Variants in PSIP1 observed in about 807,000 individuals in gnomAD.
PSIP1 encodes the protein PC4 and SRSF1 interacting protein 1.
In PSIP1, 19 loss-of-function variants were observed where a neutral mutation model predicts 74.7. The ratio of observed to expected loss-of-function variants is 0.25; its 90% CI spans 0.18 to 0.37. The LOEUF (loss-of-function observed/expected upper bound fraction) is 0.37, where lower values mean the gene tolerates loss of function less well. PSIP1 is among the 10% of genes least tolerant of loss of function. The pLI, the probability that PSIP1 is intolerant of heterozygous loss-of-function variation, is 1.00. For synonymous variants in PSIP1, 222 were observed against 195.3 expected (o/e 1.14, Z -1.14); for missense variants, 601 against 614.3 (o/e 0.98, Z 0.23).
intron 1 of PSIP1, among the ~76,000 whole-genome samples, chr9:15,510,544 G>A (rs1191751615): frequency 2.0e-5 from 3 of 152,094 alleles, no homozygotes; most frequent in Non-Finnish European, 2.9e-5. Flanking sequence ...TGCCCGGCCA[G>A]AAATCGCCCG....
intron 3 of PSIP1, among the ~76,000 whole-genome samples, chr9:15,494,825 T>C (rs1025457113): frequency 1.3e-5 from 2 of 152,188 alleles, no homozygotes; most frequent in African/African-American, 4.8e-5. Flanking sequence ...CATTAATTCC[T>C]GTCCATAATC....
chr9:15,509,840 A>G (rs571714750), intron 2 of PSIP1, among the ~76,000 whole-genome samples: 1 of 152,374 alleles, frequency 6.6e-6, no homozygotes, highest in South Asian at 2.1e-4. Flanking sequence ...CTACAATGGA[A>G]TATTAACTAG....
intron 8 of PSIP1, 59 bp downstream of exon 8, chr9:15,478,418 G>A: frequency 3.2e-6 from 4 of 1,236,048 alleles, no homozygotes; most frequent in Admixed American, 1.7e-5. Flanking sequence ...AGAGATATGT[G>A]CTTGTTTAAA....
At chr9:15,476,167 G>C (rs1367838037) in intron 8 of PSIP1, among the ~76,000 whole-genome samples, 6 of 152,124 alleles carry the variant, frequency 3.9e-5, no homozygotes, top group Non-Finnish European at 7.4e-5. Flanking sequence ...CTCACACTCA[G>C]CCTACGCACA....
Position 15,478,660 on chromosome 9 carries a change from C to T in PSIP1, c.554-108G>A, listed in dbSNP as rs1176354242. The T allele has an allele frequency of 6.9e-6, 5 of 720,988 alleles. No homozygotes were observed. In the African/African-American group the frequency reaches 9.1e-5, roughly 13 times the overall value. The allele number at this position is 720,988 out of a possible 1,614,324, so 44.7% of individuals were successfully genotyped here. ...ACATACTATTTAAGAATATTAGTAG[C>T]TTATTACAGATACAATTATTGCTAA... On this transcript the variant is annotated intron_variant, in intron 7 of 15. Coordinates refer to ENST00000380733, the MANE Select transcript of PSIP1 (RefSeq NM_033222.5).
At chr9:15,469,382 C>T (rs2035747919) in intron 11 of PSIP1, 46 bp from the exon 12 acceptor site, 5 of 1,270,634 alleles carry the variant, frequency 3.9e-6, no homozygotes, top group Middle Eastern at 1.9e-4. Context: ...TTTTCCAAAA[C>T]CAGTATTTCT....
chr9:15,466,239 C>T (rs559304861), intron 15 of PSIP1, among the ~76,000 whole-genome samples: 53 of 152,204 alleles, frequency 3.5e-4, no homozygotes, highest in African/African-American at 1.1e-3. Context: ...ATTAGATGGG[C>T]GTGGTGGCAG....
intron 4 of PSIP1, among the ~76,000 whole-genome samples, chr9:15,487,720 A>C (rs1484979462): frequency 6.6e-6 from 1 of 152,242 alleles, no homozygotes; most frequent in East Asian, 1.9e-4. Context: ...ATAAGAAACC[A>C]TGTAGCCATT....
At chr9:15,475,020 A>G (rs1463173330) in intron 8 of PSIP1, among the ~76,000 whole-genome samples, 2 of 152,178 alleles carry the variant, frequency 1.3e-5, no homozygotes, top group Non-Finnish European at 2.9e-5. Flanking sequence ...CCATTTGACA[A>G]ATGAGAAAAT....
chr9:15,495,548 T>C (rs972612410), intron 3 of PSIP1, among the ~76,000 whole-genome samples: 6 of 152,152 alleles, frequency 3.9e-5, no homozygotes, highest in Admixed American at 1.3e-4. Flanking sequence ...TATTAAAGTG[T>C]ATCATTTCTT....
At chr9:15,504,005 A>G (rs2037465207) in intron 3 of PSIP1, among the ~76,000 whole-genome samples, 2 of 152,198 alleles carry the variant, frequency 1.3e-5, no homozygotes, top group African/African-American at 4.8e-5. Flanking sequence ...TCAGCCTCCC[A>G]AAGTGCTGGG....
intron 2 of PSIP1, among the ~76,000 whole-genome samples, chr9:15,507,617 GAC>G (rs1324538619): frequency 3.9e-5 from 6 of 151,974 alleles, no homozygotes; most frequent in Non-Finnish European, 7.4e-5. Flanking sequence ...AAGCCTGGGT[GAC>G]AGAGTGAGAT....
rs969872571 is a variant in PSIP1, at chr9:15,465,394, T to C, written c.*126A>G. The C allele has an allele frequency of 1.3e-6, 1 of 788,926 alleles. No individual in the cohort carries two copies. Among genetic ancestry groups the C allele is most frequent in the Non-Finnish European group, 2.1e-6 (1 of 487,460 alleles). The allele number at this position is 788,926 out of a possible 1,614,324, so 48.9% of individuals were successfully genotyped here. A position where few individuals can be genotyped will look rare whatever the true frequency, so the allele number is the denominator to read the frequency against. On this transcript the variant is annotated 3_prime_UTR_variant, in exon 16 of 16. Transcript: ENST00000380733. Reference sequence around the variant, plus strand: ...ACTTTACTTTAAAACAAAGGGATTTTCTCCCTCAAAACAAGTTTTCAACAT... The same window carrying C: ...ACTTTACTTTAAAACAAAGGGATTTCCTCCCTCAAAACAAGTTTTCAACAT...
chr9:15,473,595 T>G (rs1482844884), intron 9 of PSIP1, among the ~76,000 whole-genome samples: 2 of 152,194 alleles, frequency 1.3e-5, no homozygotes, highest in East Asian at 3.8e-4. Flanking sequence ...TTAAAAGCTC[T>G]TAAACTGGGC....
intron 3 of PSIP1, chr9:15,506,181 T>C (rs73423334): frequency 0.026 from 4,160 of 160,874 alleles, 183 homozygotes; most frequent in African/African-American, 0.094. Context: ...TTCTCCACAA[T>C]ATACACAGTT....
chr9:15,506,639 T>A lies in PSIP1; in HGVS notation c.73-2A>T. 6.2e-7 allele frequency: 1 copy of A among 1,604,040 alleles called. No individual in the cohort carries two copies. On this transcript the variant is annotated splice_acceptor_variant, in intron 2 of 15. Coordinates refer to ENST00000380733, the MANE Select transcript of PSIP1 (RefSeq NM_033222.5). LOFTEE classifies it high-confidence loss of function. ...AGCTCCATCAGGAACTTCGTCTACC[T>A]AAAAGAAAAGTGAGAAAAATTAAAA...
At position 15,472,901 on chromosome 9, in the gene PSIP1, C is replaced by T. The variant is rs564115918; in HGVS notation, c.859-151G>A. 6.6e-5 allele frequency: 46 copies of T among 697,650 alleles called. No homozygotes were observed. The South Asian group carries it at 8.5e-4, about 13-fold the overall frequency. The allele number at this position is 697,650 out of a possible 1,614,324, so 43.2% of individuals were successfully genotyped here. On this transcript the variant is annotated intron_variant, in intron 9 of 15. Coordinates refer to ENST00000380733, the MANE Select transcript of PSIP1 (RefSeq NM_033222.5). ...CCTAAAAATAGTCTTTGAATTACACCTATCTCTGCAAGTTTAACTTTGATT... is the reference window on the plus strand; with the variant it reads ...CCTAAAAATAGTCTTTGAATTACACTTATCTCTGCAAGTTTAACTTTGATT...
chr9:15,491,246 T>C (rs894355529), intron 3 of PSIP1, among the ~76,000 whole-genome samples: 2 of 152,208 alleles, frequency 1.3e-5, no homozygotes, highest in African/African-American at 4.8e-5. Flanking sequence ...AGCATTATGC[T>C]TGGGAGCTAG....
At chr9:15,503,457 G>A (rs1199521042) in intron 3 of PSIP1, among the ~76,000 whole-genome samples, 3 of 152,060 alleles carry the variant, frequency 2.0e-5, no homozygotes, top group South Asian at 2.1e-4. Flanking sequence ...AGGCGTTGGA[G>A]ACCAGCCTGG....
Sources: gnomAD v4.1 joint callset for allele counts (sites outside exome capture counted in the v4.1 genomes callset) on GRCh38, gnomAD v4.1.1 for gene constraint, MANE v1.5 for transcripts, NCBI Gene and HGNC (gene_info 2026-07-23, HGNC 2026-07-21) for gene names.